Variants in GRIN2D observed in about 807,000 individuals in gnomAD.
GRIN2D encodes glutamate receptor ionotropic, NMDA 2D.
GRIN2D carries 37 observed loss-of-function variants against 103.2 expected under a neutral mutation model. That is an observed-to-expected ratio of 0.36 (90% CI 0.28 to 0.47). The LOEUF is 0.47. Among genes scored for constraint, GRIN2D ranks in the 20% least tolerant of loss-of-function variants. The pLI is 1.00. For synonymous variants in GRIN2D, 845 were observed against 885.6 expected (o/e 0.95, Z 0.81); for missense variants, 1,557 against 1,910.6 (o/e 0.81, Z 3.45).
chr19:48,421,848 GAGA>G lies in GRIN2D; in HGVS notation c.2160_2162del (p.Lys720del). On this transcript the variant is annotated inframe_deletion, in exon 11 of 14. Transcript: ENST00000263269. This position sits in a 1 kb window ranked among gnomAD's most constrained non-coding sequence, Gnocchi z 4.8. ...TGGGACCGTGCCCAACGGCTCCACG[GAGA>G]AGAACATCCGCAGCAACTATCCCGA... The G allele has an allele frequency of 6.2e-7, 1 of 1,614,134 alleles. No homozygotes were observed. Among genetic ancestry groups the G allele is most frequent in the Non-Finnish European group, 8.5e-7 (1 of 1,180,004 alleles).
In GRIN2D at chr19:48,400,935, G is replaced by C. The variant is rs536178754; in HGVS notation, c.465+2078G>C. ...ATGAAAATTAGCCGGGCATGGTGGC[G>C]CATGCCTGTAATCCCAGCTACTCAG... On this transcript the variant is annotated intron_variant, in intron 3 of 13. Coordinates refer to ENST00000263269, the MANE Select transcript of GRIN2D (RefSeq NM_000836.4). Among the ~76,000 whole-genome samples, 9 of 152,046 alleles carry C rather than the reference G, an allele frequency of 5.9e-5. No homozygotes were observed. In the East Asian group the frequency reaches 1.7e-3, roughly 29 times the overall value.
chr19:48,412,319 ACT>A (rs1970872427), intron 4 of GRIN2D, among the ~76,000 whole-genome samples: 1 of 150,996 alleles, frequency 6.6e-6, no homozygotes, highest in South Asian at 2.1e-4. Context: ...ACAGAGCGAG[ACT>A]CTGTCTCAAA....
intron 4 of GRIN2D, among the ~76,000 whole-genome samples, chr19:48,407,255 G>A (rs573367576): frequency 3.9e-5 from 6 of 151,932 alleles, no homozygotes; most frequent in African/African-American, 1.4e-4. Flanking sequence ...TTCCAGCCGT[G>A]AGCCACCGAG....
rs147898123 is a variant in GRIN2D at position 48,399,889 on chromosome 19, C to T, written c.465+1032C>T. Among the ~76,000 whole-genome samples the T allele has an allele frequency of 2.6e-3, 396 of 150,124 alleles. 2 individuals are homozygous for T. Among genetic ancestry groups the T allele is most frequent in the African/African-American group, 9.1e-3 (369 of 40,678 alleles). ...CGGGGCTAGCCAGTTGGGGGCGGGG[C>T]CAGCGAGGGGCGGGGCCTAAGCACT... On this transcript the variant is annotated intron_variant, in intron 3 of 13. Transcript: ENST00000263269.
At chr19:48,433,332 T>G (rs1971183300) in intron 11 of GRIN2D, among the ~76,000 whole-genome samples, 1 of 151,708 alleles carries the variant, frequency 6.6e-6, no homozygotes, top group African/African-American at 2.4e-5. Flanking sequence ...CACATTGCAC[T>G]CCAGCCTGGG....
At chr19:48,408,060 C>CGTG (rs913260903) in intron 4 of GRIN2D, among the ~76,000 whole-genome samples, 5 of 151,974 alleles carry the variant, frequency 3.3e-5, no homozygotes, top group African/African-American at 1.2e-4. Flanking sequence ...GTTGGCCGGG[C>CGTG]GTGGTGGCTC....
intron 4 of GRIN2D, among the ~76,000 whole-genome samples, chr19:48,408,162 G>A (rs973813158): frequency 1.3e-5 from 2 of 151,814 alleles, no homozygotes; most frequent in Admixed American, 6.6e-5. Flanking sequence ...GTGAAACCCT[G>A]TCTCTACTAA....
At chr19:48,424,690 A>T (rs986381579) in intron 11 of GRIN2D, among the ~76,000 whole-genome samples, 2 of 152,132 alleles carry the variant, frequency 1.3e-5, no homozygotes, top group Non-Finnish European at 2.9e-5. Flanking sequence ...GCTGTCTTTG[A>T]TATCTGTGGC....
chr19:48,420,154 C>T (rs987961735), intron 10 of GRIN2D, among the ~76,000 whole-genome samples: 2 of 152,050 alleles, frequency 1.3e-5, no homozygotes, highest in Non-Finnish European at 2.9e-5. Context: ...TAAGGCTGGG[C>T]GCGGTGGCTC....
In GRIN2D at chr19:48,405,652, T is replaced by C. The variant is rs1049204643; in HGVS notation, c.1085+299T>C. ...TAATTGATGACTTATCATGGCTTAATTGGCAGCACTTTTGTCTTTCTTTGT... is the reference window on the plus strand; with the variant it reads ...TAATTGATGACTTATCATGGCTTAACTGGCAGCACTTTTGTCTTTCTTTGT... On this transcript the variant is annotated intron_variant, in intron 4 of 13. Transcript: ENST00000263269. This position sits in a 1 kb window ranked among gnomAD's most constrained non-coding sequence, Gnocchi z 5.1. Among the ~76,000 whole-genome samples the C allele has an allele frequency of 6.6e-6, 1 of 152,234 alleles. No individual in the cohort carries two copies. The highest frequency in any genetic ancestry group is 2.4e-5 in the African/African-American group (1 of 41,464).
chr19:48,426,125 TCTA>T (rs1208812741), intron 11 of GRIN2D, among the ~76,000 whole-genome samples: 6 of 152,158 alleles, frequency 3.9e-5, no homozygotes, highest in African/African-American at 1.4e-4. Flanking sequence ...ATTCTTTCAT[TCTA>T]CTGCTGGTGG....
At chr19:48,409,105 C>T (rs925468845) in intron 4 of GRIN2D, among the ~76,000 whole-genome samples, 1 of 151,906 alleles carries the variant, frequency 6.6e-6, no homozygotes, top group African/African-American at 2.4e-5. Flanking sequence ...GAAGGCATCA[C>T]ATGGTAGAAG....
chr19:48,419,155 A>T lies in GRIN2D; in HGVS notation c.1736-79A>T. ...CAGCCTCCCAAAGTTCTGGGAGTAC[A>T]GGCGTGAGGCACCGCCCCAGCCTGA... On this transcript the variant is annotated intron_variant, in intron 8 of 13. Coordinates refer to ENST00000263269, the MANE Select transcript of GRIN2D (RefSeq NM_000836.4). 2 of 1,384,458 alleles carry T rather than the reference A, an allele frequency of 1.4e-6. 1 individual carries two copies. The highest frequency in any genetic ancestry group is 2.8e-5 in the South Asian group (2 of 72,354). 85.8% of individuals were successfully genotyped at this position (1,384,458 alleles called of 1,614,324 possible). A position where few individuals can be genotyped will look rare whatever the true frequency, so the allele number is the denominator to read the frequency against.
At position 48,393,678 on chromosome 19, in the gene GRIN2D, AGT is replaced by A. The variant is rs1165976552; in HGVS notation, c.-486_-485del. Among the ~76,000 whole-genome samples the A allele has an allele frequency of 6.6e-6, 1 of 151,504 alleles. No homozygotes were observed. Among genetic ancestry groups the A allele is most frequent in the Non-Finnish European group, 1.5e-5 (1 of 67,938 alleles). The stretch of plus-strand genomic sequence containing the variant: ...CTGAATGTTAATCGCATCCCGAGTG[AGT>A]GTGTGTGTGCGAGAACACAGCGAGT... On this transcript the variant is annotated 5_prime_UTR_variant, in exon 1 of 14. Transcript: ENST00000263269. The surrounding 1 kb of genome is among the most constrained non-coding windows in gnomAD (Gnocchi z 5.6).
At chr19:48,397,731 G>A (rs991007250) in intron 2 of GRIN2D, among the ~76,000 whole-genome samples, 4 of 148,180 alleles carry the variant, frequency 2.7e-5, no homozygotes, top group African/African-American at 7.5e-5. Context: ...TGCTGCTTCC[G>A]TCTCTCTCCT....
intron 11 of GRIN2D, among the ~76,000 whole-genome samples, chr19:48,423,907 TC>T (rs1376420315): frequency 1.6e-4 from 25 of 151,782 alleles, no homozygotes; most frequent in African/African-American, 6.0e-4. Context: ...ACCTCCGCCT[TC>T]CCTGGGTTCA....
At chr19:48,399,728 G>A (rs1229933245) in intron 3 of GRIN2D, among the ~76,000 whole-genome samples, 1 of 129,452 alleles carries the variant, frequency 7.7e-6, no homozygotes, top group Non-Finnish European at 1.6e-5. Context: ...GGATGGAGGA[G>A]CCATCTTCTA....
intron 4 of GRIN2D, among the ~76,000 whole-genome samples, chr19:48,409,678 T>C (rs868315145): frequency 3.3e-5 from 5 of 152,054 alleles, no homozygotes; most frequent in South Asian, 2.1e-4. Context: ...GGCTAGAACA[T>C]AGTGGGCAAG....
chr19:48,429,402 A>C (rs542381755), intron 11 of GRIN2D, among the ~76,000 whole-genome samples: 1 of 149,524 alleles, frequency 6.7e-6, no homozygotes, highest in Non-Finnish European at 1.5e-5. Flanking sequence ...ATTTTATTTT[A>C]TTTATTTATT....
Sources: gnomAD v4.1 joint callset for allele counts (sites outside exome capture counted in the v4.1 genomes callset) on GRCh38, gnomAD v4.1.1 for gene constraint, Gnocchi (gnomAD v3.1) non-coding constraint, MANE v1.5 for transcripts, NCBI Gene and HGNC (gene_info 2026-07-23, HGNC 2026-07-21) for gene names.